ZNF626: variants seen among roughly 807,000 people sequenced by gnomAD.
ZNF626 encodes the protein zinc finger protein 626, also known as CTC-513N18.7.
A neutral mutation model predicts 11.7 loss-of-function variants in ZNF626; 4 were observed. The ratio of observed to expected loss-of-function variants is 0.34; its 90% CI spans 0.17 to 0.78. ZNF626 has a LOEUF of 0.78. Ranked by LOEUF, ZNF626 falls within the 30% of genes least tolerant of loss-of-function variation. ZNF626 has a pLI of 0.57. For synonymous variants in ZNF626, 179 were observed against 198.6 expected, an observed-to-expected ratio of 0.90 and a Z score of 0.83; for missense variants, 588 against 587.1, an observed-to-expected ratio of 1.00 and a Z score of -0.01.
chr19:20,628,549 C>A (rs1413461737), intron 3 of ZNF626, among the ~76,000 whole-genome samples: 6 of 152,168 alleles, frequency 3.9e-5, no homozygotes, highest in Non-Finnish European at 8.8e-5. Flanking sequence ...AGCATTTTTT[C>A]ATCTGTTTTT....
intron 1 of ZNF626, among the ~76,000 whole-genome samples, chr19:20,647,525 C>T (rs62107365): frequency 1.2e-3 from 150 of 126,596 alleles, no homozygotes; most frequent in Non-Finnish European, 1.7e-3. Flanking sequence ...CTTGCTCTGT[C>T]GCCCAGGCTG....
rs1555769327 is a variant in ZNF626, at chr19:20,624,984, G to A, written c.893C>T (p.Ser298Leu). 1.2e-6 allele frequency: 2 copies of A among 1,613,772 alleles called. No individual in the cohort carries two copies. Among genetic ancestry groups the A allele is most frequent in the African/African-American group, 1.3e-5 (1 of 75,004 alleles). The change falls in exon 4 of 4, where the codon TCA becomes TTA. Residue 298 changes from serine to leucine, a missense_variant. By Grantham distance (145) the Ser-to-Leu change is moderately radical. Around this residue, in one of 4 missense-constraint regions of ZNF626, gnomAD observed 524 missense variants for 470.1 expected, o/e 1.11. Coordinates refer to ENST00000601440, the MANE Select transcript of ZNF626 (RefSeq NM_001076675.3). The part of the protein sequence containing the change: ...EECGKAFNRS[S>L]TLTTHKIIHT... The stretch of plus-strand genomic sequence containing the variant: ...AATTATCTTATGTGTAGTAAGGGTT[G>A]AGGACCGGTTGAAGGCTTTGCCACA...
At position 20,625,142 on chromosome 19, in the gene ZNF626, A is replaced by T; in HGVS notation, c.735T>A (p.Thr245=). 6.2e-7 allele frequency: 1 copy of T among 1,613,216 alleles called. No homozygotes were observed. Among genetic ancestry groups the T allele is most frequent in the South Asian group, 1.1e-5 (1 of 91,016 alleles). Residue 245 remains threonine (T), a synonymous_variant, in exon 4 of 4, where the codon ACT becomes ACA. Coordinates refer to ENST00000601440, the MANE Select transcript of ZNF626 (RefSeq NM_001076675.3). The part of the protein sequence containing the change: ...GKAFKHSSTL[T]THKRNHTGEK... ...CTCCAGTATGATTTCTCTTATGTGT[A>T]GTAAGAGTGGAGGAGTGCTTAAAGG...
chr19:20,632,903 C>T (rs1419056068), intron 3 of ZNF626, among the ~76,000 whole-genome samples: 1 of 152,048 alleles, frequency 6.6e-6, no homozygotes, highest in Non-Finnish European at 1.5e-5. Context: ...GTTTTTTTCC[C>T]ATCTTTGTGG....
intron 1 of ZNF626, among the ~76,000 whole-genome samples, chr19:20,656,828 G>A (rs782578074): frequency 6.6e-6 from 1 of 152,182 alleles, no homozygotes; most frequent in African/African-American, 2.4e-5. Context: ...AAAAGGGAAT[G>A]CTTATACTCT....
intron 3 of ZNF626, among the ~76,000 whole-genome samples, chr19:20,626,227 C>G (rs1227835614): frequency 6.6e-6 from 1 of 151,862 alleles, no homozygotes; most frequent in Non-Finnish European, 1.5e-5. Context: ...CCCAGAATCT[C>G]TAGTTAAGAC....
intron 1 of ZNF626, among the ~76,000 whole-genome samples, chr19:20,649,168 C>T (rs1970118966): frequency 6.6e-6 from 1 of 152,080 alleles, no homozygotes; most frequent in Non-Finnish European, 1.5e-5. Context: ...ATTCTCTAGA[C>T]AAGTTACACC....
At chr19:20,657,073 A>C (rs1287899203) in intron 1 of ZNF626, among the ~76,000 whole-genome samples, 1 of 152,214 alleles carries the variant, frequency 6.6e-6, no homozygotes, top group Non-Finnish European at 1.5e-5. Context: ...AGACAAGATA[A>C]AGAAAATATG....
At chr19:20,626,210 T>A (rs772372930) in intron 3 of ZNF626, among the ~76,000 whole-genome samples, 3 of 152,056 alleles carry the variant, frequency 2.0e-5, no homozygotes, top group Non-Finnish European at 4.4e-5. Flanking sequence ...TACAGTGAGC[T>A]GAGATTCCCA....
intron 2 of ZNF626, among the ~76,000 whole-genome samples, 183 bp downstream of exon 2, chr19:20,646,096 A>G (rs1970074261): frequency 1.3e-5 from 2 of 152,332 alleles, no homozygotes; most frequent in East Asian, 1.9e-4. Context: ...AGGAAAGTGG[A>G]AAGTTTGGAT....
intron 1 of ZNF626, among the ~76,000 whole-genome samples, chr19:20,657,745 C>T (rs1049840244): frequency 1.2e-4 from 18 of 151,416 alleles, no homozygotes; most frequent in African/African-American, 3.4e-4. Flanking sequence ...GCGAAGGTTG[C>T]GGTGAGCCGA....
chr19:20,634,917 A>C (rs1386193483), intron 3 of ZNF626, among the ~76,000 whole-genome samples: 1 of 152,210 alleles, frequency 6.6e-6, no homozygotes, highest in African/African-American at 2.4e-5. Flanking sequence ...AAAAAGTAGA[A>C]CAATAAAACA....
chr19:20,641,447 T>C (rs989328841), intron 3 of ZNF626, among the ~76,000 whole-genome samples: 1 of 152,090 alleles, frequency 6.6e-6, no homozygotes, highest in Non-Finnish European at 1.5e-5. Flanking sequence ...AAATAGAAAG[T>C]GGAAATTTTG....
At chr19:20,655,441 C>A (rs1293997751) in intron 1 of ZNF626, among the ~76,000 whole-genome samples, 1 of 152,064 alleles carries the variant, frequency 6.6e-6, no homozygotes, top group African/African-American at 2.4e-5. Flanking sequence ...TCTGTGTCTA[C>A]CTTAAAGGAA....
chr19:20,654,631 C>T (rs1599487771), intron 1 of ZNF626, among the ~76,000 whole-genome samples: 1 of 152,130 alleles, frequency 6.6e-6, no homozygotes, highest in Non-Finnish European at 1.5e-5. Context: ...ATGGCATGAA[C>T]CCGGGAGGCG....
rs1969779306 is a variant in ZNF626, at chr19:20,623,372, A to AT, written c.*917dup. The stretch of plus-strand genomic sequence containing the variant: ...ATATAAAGGCTGTTTCACATTTTAT[A>AT]TATTTCTAGGGTTTCACACTAGTAT... On this transcript the variant is annotated 3_prime_UTR_variant, in exon 4 of 4. Coordinates refer to ENST00000601440, the MANE Select transcript of ZNF626 (RefSeq NM_001076675.3). 6.6e-6 allele frequency: 1 copy of AT among 152,210 alleles called. No individual in the cohort carries two copies. The highest frequency in any genetic ancestry group is 1.5e-5 in the Non-Finnish European group (1 of 68,036). The allele number at this position is 152,210 out of a possible 1,614,324, so 9.4% of individuals were successfully genotyped here.
intron 1 of ZNF626, among the ~76,000 whole-genome samples, chr19:20,658,497 G>A (rs1045735904): frequency 6.6e-6 from 1 of 152,142 alleles, no homozygotes; most frequent in African/African-American, 2.4e-5. Flanking sequence ...AGAAAACAGG[G>A]TCTGTCATCA....
chr19:20,647,484 G>GGTTTT (rs568807052), intron 1 of ZNF626, among the ~76,000 whole-genome samples: 1 of 122,808 alleles, frequency 8.1e-6, no homozygotes, highest in Non-Finnish European at 1.7e-5. Context: ...TAGGACAATG[G>GGTTTT]TTTTTTTTTT....
Position 20,624,161 on chromosome 19 carries a change from C to T in ZNF626, c.*129G>A. Reference sequence around the variant, plus strand: ...GTAAGTTTAGAGGAGTGCTTAAAGGCTTTGCCACATTCTTCACATCTGTAG... The same window carrying T: ...GTAAGTTTAGAGGAGTGCTTAAAGGTTTTGCCACATTCTTCACATCTGTAG... On this transcript the variant is annotated 3_prime_UTR_variant, in exon 4 of 4. Coordinates refer to ENST00000601440, the MANE Select transcript of ZNF626 (RefSeq NM_001076675.3). The T allele has an allele frequency of 1.3e-6, 2 of 1,485,102 alleles. No homozygotes were observed. The highest frequency in any genetic ancestry group is 1.4e-5 in the African/African-American group (1 of 72,506). The allele number at this position is 1,485,102 out of a possible 1,614,324, so 92.0% of individuals were successfully genotyped here.
Sources: allele counts gnomAD v4.1 joint callset (sites outside exome capture counted in the v4.1 genomes callset), GRCh38; gene constraint gnomAD v4.1.1; regional missense constraint gnomAD v4.1.1; transcripts MANE v1.5; gene names NCBI Gene and HGNC (gene_info 2026-07-23, HGNC 2026-07-21).